The following FAM124A variants were observed in gnomAD, a reference collection of about 807,000 sequenced individuals.
FAM124A encodes protein FAM124A.
A neutral mutation model predicts 24.5 loss-of-function variants in FAM124A; 23 were observed. The observed-to-expected ratio is 0.94, with a 90% CI of 0.68 to 1.33. The LOEUF (loss-of-function observed/expected upper bound fraction) is 1.33. FAM124A is among the 40% of genes most tolerant of loss of function. The pLI, the probability that FAM124A is intolerant of heterozygous loss-of-function variation, is 0.00. For synonymous variants in FAM124A, 287 were observed against 314.7 expected, an observed-to-expected ratio of 0.91 and a Z score of 0.93; for missense variants, 623 against 722.8, an observed-to-expected ratio of 0.86 and a Z score of 1.58.
rs1410437285 is a variant in FAM124A, at chr13:51,283,348, CTT to C, written c.*2094_*2095del. 5 of 152,168 alleles carry C rather than the reference CTT, an allele frequency of 3.3e-5. No individual in the cohort carries two copies. In the East Asian group the frequency reaches 7.7e-4, roughly 23 times the overall value. The allele number at this position is 152,168 out of a possible 1,614,324, so 9.4% of individuals were successfully genotyped here. A position where few individuals can be genotyped will look rare whatever the true frequency, so the allele number is the denominator to read the frequency against. ...GAGCCACCATTCCCAGCCAATAAAA[CTT>C]TATTTACAAGAACAGCTGGTGGGCC... is the stretch of plus-strand genomic sequence containing the variant. On this transcript the variant is annotated 3_prime_UTR_variant, in exon 4 of 4. Transcript: ENST00000322475.
At chr13:51,230,969 A>G (rs996688231) in intron 1 of FAM124A, among the ~76,000 whole-genome samples, 1 of 152,182 alleles carries the variant, frequency 6.6e-6, no homozygotes, top group Admixed American at 6.5e-5. Flanking sequence ...TGTTGTGCGA[A>G]TATTTGAAGG....
intron 3 of FAM124A, among the ~76,000 whole-genome samples, chr13:51,257,133 G>A (rs1037108450): frequency 3.3e-5 from 5 of 152,276 alleles, no homozygotes; most frequent in East Asian, 1.9e-4. Flanking sequence ...GAATAACACC[G>A]CTATGAACGT....
intron 1 of FAM124A, among the ~76,000 whole-genome samples, chr13:51,226,634 C>A (rs1954318151): frequency 6.6e-6 from 1 of 152,164 alleles, no homozygotes; most frequent in Non-Finnish European, 1.5e-5. Context: ...TAGTTAGGAT[C>A]ATCAGAATTT....
intron 2 of FAM124A, among the ~76,000 whole-genome samples, chr13:51,244,087 A>C (rs1954530796): frequency 6.6e-6 from 1 of 152,228 alleles, no homozygotes; most frequent in Non-Finnish European, 1.5e-5. Context: ...AACCTGCAAC[A>C]GCTGGAGGTG....
chr13:51,279,558 CAG>C (rs1954915278), intron 3 of FAM124A, among the ~76,000 whole-genome samples: 1 of 152,134 alleles, frequency 6.6e-6, no homozygotes, highest in East Asian at 1.9e-4. Context: ...GGACACAGAC[CAG>C]AGAGAGAATC....
At chr13:51,229,586 C>T (rs1292491201) in intron 1 of FAM124A, among the ~76,000 whole-genome samples, 7 of 152,148 alleles carry the variant, frequency 4.6e-5, no homozygotes, top group Admixed American at 4.6e-4. Flanking sequence ...AAAATCCTAG[C>T]TGAAAATACA....
chr13:51,238,746 A>T (rs1014634108), intron 2 of FAM124A, among the ~76,000 whole-genome samples: 6 of 152,192 alleles, frequency 3.9e-5, no homozygotes. Flanking sequence ...TTGTTATTTC[A>T]TGGTGTGGGG....
In FAM124A at chr13:51,279,349, G is replaced by T. The variant is rs1954913861; in HGVS notation, c.835-1101G>T. Among the ~76,000 whole-genome samples, 5 of 152,244 alleles carry T rather than the reference G, an allele frequency of 3.3e-5. No individual in the cohort carries two copies. The South Asian group carries it at 1.0e-3, about 32-fold the overall frequency. The stretch of plus-strand genomic sequence containing the variant: ...CTGCTCCTTACCCCATCCCAAAGGG[G>T]TGACTCTCCATTCCTGCTGGATGCC... On this transcript the variant is annotated intron_variant, in intron 3 of 3. Coordinates refer to ENST00000322475, the MANE Select transcript of FAM124A (RefSeq NM_001242312.2).
At position 51,283,987 on chromosome 13, in the gene FAM124A, C is replaced by T. The variant is rs1429518317; in HGVS notation, c.*2731C>T. On this transcript the variant is annotated 3_prime_UTR_variant, in exon 4 of 4. Transcript: ENST00000322475. ...TGAAAGCAAGAAATGCAAAATGTTC[C>T]CATAGCATCAGGTGAGCAGGGAGAG... 6.6e-6 allele frequency: 1 copy of T among 152,056 alleles called. No homozygotes were observed. The highest frequency in any genetic ancestry group is 2.4e-5 in the African/African-American group (1 of 41,388). The allele number at this position is 152,056 out of a possible 1,614,324, so 9.4% of individuals were successfully genotyped here.
intron 3 of FAM124A, among the ~76,000 whole-genome samples, chr13:51,257,806 T>G (rs183264129): frequency 1.2e-4 from 19 of 152,354 alleles, no homozygotes; most frequent in Non-Finnish European, 2.6e-4. Flanking sequence ...AGGGGCCTTC[T>G]CTGCCTTCCC....
chr13:51,248,390 T>C (rs1459601633), intron 2 of FAM124A, among the ~76,000 whole-genome samples: 1 of 152,230 alleles, frequency 6.6e-6, no homozygotes, highest in Non-Finnish European at 1.5e-5. Flanking sequence ...ATGCCTCTTC[T>C]ATTTACCCAC....
intron 3 of FAM124A, chr13:51,252,999 A>C (rs955031679): frequency 2.6e-5 from 4 of 152,254 alleles, no homozygotes; most frequent in Non-Finnish European, 5.9e-5. Flanking sequence ...TGTATATTAC[A>C]GAACATCCTA....
intron 1 of FAM124A, among the ~76,000 whole-genome samples, chr13:51,226,683 T>G (rs1238008153): frequency 6.6e-6 from 1 of 152,186 alleles, no homozygotes; most frequent in East Asian, 1.9e-4. Flanking sequence ...AAACAAGGGC[T>G]GTCAGGGTAT....
Position 51,272,675 on chromosome 13 carries a change from A to C in FAM124A, c.835-7775A>C, listed in dbSNP as rs2137706026. On this transcript the variant is annotated intron_variant, in intron 3 of 3. Transcript: ENST00000322475. This position sits in a 1 kb window ranked among gnomAD's most constrained non-coding sequence, Gnocchi z 4.2. ...TACTCTCTGGAAAGATGGACCAGGG[A>C]CCTAGACCACAGGACACCAAGCACA... Among the ~76,000 whole-genome samples, 1 of 151,224 alleles carries C rather than the reference A, an allele frequency of 6.6e-6. No individual in the cohort carries two copies. The highest frequency in any genetic ancestry group is 2.5e-5 in the African/African-American group (1 of 40,576).
At chr13:51,264,216 T>C (rs553760638) in intron 3 of FAM124A, among the ~76,000 whole-genome samples, 3 of 152,320 alleles carry the variant, frequency 2.0e-5, no homozygotes, top group Non-Finnish European at 2.9e-5. Context: ...TAAATAAGAA[T>C]TGGCTTTAAA....
chr13:51,241,888 G>A (rs1954499841), intron 2 of FAM124A, among the ~76,000 whole-genome samples: 1 of 152,164 alleles, frequency 6.6e-6, no homozygotes, highest in Non-Finnish European at 1.5e-5. Flanking sequence ...GCTTTTCTTA[G>A]AAGAGTTGCA....
At position 51,251,676 on chromosome 13, in the gene FAM124A, G is replaced by A. The variant is rs770178099; in HGVS notation, c.309G>A (p.Val103=). 4.4e-6 allele frequency: 7 copies of A among 1,588,566 alleles called. No homozygotes were observed. In the Admixed American group the frequency reaches 1.1e-4, roughly 24 times the overall value. Residue 103 remains valine, a synonymous_variant, in exon 3 of 4, where the codon GTG becomes GTA. Coordinates refer to ENST00000322475, the MANE Select transcript of FAM124A (RefSeq NM_001242312.2). The surrounding 1 kb of genome is among the most constrained non-coding windows in gnomAD (Gnocchi z 5.3). ...PPKGAQPALA[V]VLFLQEEYGE... ...AGGGCGCTCAGCCAGCGCTGGCTGT[G>A]GTGCTGTTCCTGCAGGAGGAGTACG...
intron 3 of FAM124A, among the ~76,000 whole-genome samples, chr13:51,271,194 G>C (rs1954837262): frequency 6.6e-6 from 1 of 152,230 alleles, no homozygotes; most frequent in South Asian, 2.1e-4. Context: ...AAGACAAAAG[G>C]GACAGAACGC....
Position 51,283,119 on chromosome 13 carries a change from G to A in FAM124A, c.*1863G>A. 1 of 152,326 alleles carries A rather than the reference G, an allele frequency of 6.6e-6. No individual in the cohort carries two copies. Among genetic ancestry groups the A allele is most frequent in the Non-Finnish European group, 1.5e-5 (1 of 68,112 alleles). The allele number at this position is 152,326 out of a possible 1,614,324, so 9.4% of individuals were successfully genotyped here. On this transcript the variant is annotated 3_prime_UTR_variant, in exon 4 of 4. Coordinates refer to ENST00000322475, the MANE Select transcript of FAM124A (RefSeq NM_001242312.2). ...TGCAATGGCGCAATCTCAGCTCACT[G>A]CAAGCTCTGCCTCCTGGGTTCAAGC...
Sources: gnomAD v4.1 joint callset for allele counts (sites outside exome capture counted in the v4.1 genomes callset) on GRCh38, gnomAD v4.1.1 for gene constraint, Gnocchi (gnomAD v3.1) non-coding constraint, MANE v1.5 for transcripts, NCBI Gene and HGNC (gene_info 2026-07-23, HGNC 2026-07-21) for gene names.